ZNF518B: variants seen among roughly 807,000 people sequenced by gnomAD.
ZNF518B encodes the protein zinc finger protein 518B.
A neutral mutation model predicts 56.3 loss-of-function variants in ZNF518B; 23 were observed. The ratio of observed to expected loss-of-function variants is 0.41; its 90% CI spans 0.29 to 0.58. The LOEUF (loss-of-function observed/expected upper bound fraction) is 0.58, where lower values mean the gene tolerates loss of function less well. ZNF518B is among the 20% of genes least tolerant of loss of function. The pLI, the probability that ZNF518B is intolerant of heterozygous loss-of-function variation, is 0.32. For synonymous variants in ZNF518B, 529 were observed against 465.9 expected (o/e 1.14, Z -1.74); for missense variants, 1,460 against 1,272.1 (o/e 1.15, Z -2.25).
Position 10,443,692 on chromosome 4 carries a change from C to G in ZNF518B, c.2637G>C (p.Leu879=), listed in dbSNP as rs563574814. The G allele has an allele frequency of 1.2e-6, 2 of 1,614,008 alleles. No individual in the cohort carries two copies. Among genetic ancestry groups the G allele is most frequent in the East Asian group, 2.2e-5 (1 of 44,892 alleles). Residue 879 remains leucine (L), a synonymous_variant, in exon 3 of 3, where the codon CTG becomes CTC. Coordinates refer to ENST00000326756, the MANE Select transcript of ZNF518B (RefSeq NM_053042.3). ...GSSELNKQGR[L]LSRSLSISRN... ...TACTTATAGAAAGACTTCTGGAAAG[C>G]AGTCTCCCTTGCTTATTTAATTCAC...
In ZNF518B at chr4:10,445,190, C is replaced by T. The variant is rs2108986878; in HGVS notation, c.1139G>A (p.Gly380Asp). 3.7e-6 allele frequency: 6 copies of T among 1,614,162 alleles called. No individual in the cohort carries two copies. Among genetic ancestry groups the T allele is most frequent in the Non-Finnish European group, 5.1e-6 (6 of 1,180,038 alleles). ...NCLEAGRDNG[G>D]NSERMVKEKG... Reference sequence around the variant, plus strand: ...CTCTTTCACCATACGTTCAGAATTACCTCCATTATCCCTCCCAGCTTCAAG... The same window carrying T: ...CTCTTTCACCATACGTTCAGAATTATCTCCATTATCCCTCCCAGCTTCAAG... Residue 380 changes from glycine (G) to aspartate (D), a missense_variant, in exon 3 of 3, where the codon GGT (glycine) becomes GAT (aspartate). Transcript: ENST00000326756.
chr4:10,442,101 A>G lies in ZNF518B; in HGVS notation c.*1003T>C, dbSNP rs1460855520. On this transcript the variant is annotated 3_prime_UTR_variant, in exon 3 of 3. Coordinates refer to ENST00000326756, the MANE Select transcript of ZNF518B (RefSeq NM_053042.3). Reference sequence around the variant, plus strand: ...TCAGAAGAAATGGCAAAGGGAGTCTAGTGTCCATGAATCAAAGGGATCAAG... The same window carrying G: ...TCAGAAGAAATGGCAAAGGGAGTCTGGTGTCCATGAATCAAAGGGATCAAG... 6.6e-6 allele frequency: 1 copy of G among 152,270 alleles called. No individual in the cohort carries two copies. The highest frequency in any genetic ancestry group is 1.5e-5 in the Non-Finnish European group (1 of 68,072). 9.4% of individuals were successfully genotyped at this position (152,270 alleles called of 1,614,324 possible).
upstream of ZNF518B, among the ~76,000 whole-genome samples, chr4:10,460,562 AGGTG>A (rs1316569317): frequency 2.0e-5 from 3 of 152,090 alleles, no homozygotes; most frequent in Non-Finnish European, 4.4e-5. Context: ...AAAGGCCCTG[AGGTG>A]GGCGCTTTTG....
Position 10,445,122 on chromosome 4 carries a change from T to C in ZNF518B, c.1207A>G (p.Thr403Ala). ...TTCCCGTCAACTGTCAGTGACTTTGTTTTTTCTGCAGAAAGTACTTTTTCT... is the reference window on the plus strand; with the variant it reads ...TTCCCGTCAACTGTCAGTGACTTTGCTTTTTCTGCAGAAAGTACTTTTTCT... ...EQEKVLSAEK[T>A]KSLTVDGNVG... is the part of the protein sequence containing the mutation. The change falls in exon 3 of 3, where the codon ACA becomes GCA. Residue 403 changes from threonine to alanine, a missense_variant. Thr to Ala is a moderately conservative substitution (Grantham distance 58). Transcript: ENST00000326756. The C allele has an allele frequency of 1.2e-6, 2 of 1,614,174 alleles. No homozygotes were observed. Among genetic ancestry groups the C allele is most frequent in the Non-Finnish European group, 1.7e-6 (2 of 1,180,016 alleles).
At position 10,445,885 on chromosome 4, in the gene ZNF518B, C is replaced by A; in HGVS notation, c.444G>T (p.Leu148=). 1 of 1,614,254 alleles carries A rather than the reference C, an allele frequency of 6.2e-7. No homozygotes were observed. Among genetic ancestry groups the A allele is most frequent in the Non-Finnish European group, 8.5e-7 (1 of 1,180,046 alleles). ...DKCRFSTKDP[L]QYKKHTLQHE... ...GTTGAAGGGTGTGCTTTTTGTACTG[C>A]AGCGGGTCCTTTGTAGAGAATCGAC... Residue 148 remains leucine (L), a synonymous_variant, in exon 3 of 3, where the codon CTG becomes CTT. Transcript: ENST00000326756.
At chr4:10,454,430 C>G in intron 2 of ZNF518B, 1 of 152,228 alleles carries the variant, frequency 6.6e-6, no homozygotes, top group Non-Finnish European at 1.5e-5. Context: ...AGGAGTCTAA[C>G]AGAAGATGGA....
At chr4:10,456,726 G>C (rs1715548818) in intron 1 of ZNF518B, among the ~76,000 whole-genome samples, 1 of 152,208 alleles carries the variant, frequency 6.6e-6, no homozygotes, top group Non-Finnish European at 1.5e-5. Context: ...TCGCCGCGAG[G>C]GAAGGCCGGG....
chr4:10,443,595 T>A lies in ZNF518B; in HGVS notation c.2734A>T (p.Lys912Ter). The A allele has an allele frequency of 6.2e-7, 1 of 1,614,156 alleles. No homozygotes were observed. The highest frequency in any genetic ancestry group is 8.5e-7 in the Non-Finnish European group (1 of 1,179,994). ...GCAACCTGAAAAATTGAAGGATCCT[T>A]GAGACAGCGGCTAGGTTCAGCTTGA... Reference protein sequence around the residue: ...KIQAEPSRCLKDPSIFQVARQ... With the variant: ...KIQAEPSRCL The change falls in exon 3 of 3, where the codon AAG (lysine) becomes TAG (stop). Residue 912 changes from lysine to a stop codon, truncating the protein, a stop_gained. Coordinates refer to ENST00000326756, the MANE Select transcript of ZNF518B (RefSeq NM_053042.3). LOFTEE classifies it high-confidence loss of function.
chr4:10,443,557 T>G lies in ZNF518B; in HGVS notation c.2772A>C (p.Arg924Ser), dbSNP rs754572303. The G allele has an allele frequency of 5.6e-6, 9 of 1,614,188 alleles. No homozygotes were observed. The Admixed American group carries it at 1.3e-4, about 24-fold the overall frequency. ...PSIFQVARQL[R>S]LIAAKPDQLI... is the part of the protein sequence containing the mutation. ...ACTGATCTGGCTTAGCTGCTATCAG[T>G]CTTAGTTGCCTTGCAACCTGAAAAA... The change falls in exon 3 of 3, where the codon AGA becomes AGC. Residue 924 changes from arginine (R) to serine (S), a missense_variant. Coordinates refer to ENST00000326756, the MANE Select transcript of ZNF518B (RefSeq NM_053042.3).
At chr4:10,450,069 G>GA (rs1176006534) in intron 2 of ZNF518B, among the ~76,000 whole-genome samples, 1 of 152,212 alleles carries the variant, frequency 6.6e-6, no homozygotes, top group Non-Finnish European at 1.5e-5. Flanking sequence ...CCCAGCCAAG[G>GA]AAAGTCCCCA....
rs993347160 is a variant in ZNF518B at position 10,445,736 on chromosome 4, C to T, written c.593G>A (p.Gly198Asp). 6.2e-7 allele frequency: 1 copy of T among 1,614,134 alleles called. No homozygotes were observed. Among genetic ancestry groups the T allele is most frequent in the Non-Finnish European group, 8.5e-7 (1 of 1,180,020 alleles). The change falls in exon 3 of 3, where the codon GGT becomes GAT. Residue 198 changes from glycine (G) to aspartate (D), a missense_variant. Coordinates refer to ENST00000326756, the MANE Select transcript of ZNF518B (RefSeq NM_053042.3). Reference sequence around the variant, plus strand: ...GACAATATAATCATTTCTAATAGCACCATAGTCACAATACTCACACTGATA... The same window carrying T: ...GACAATATAATCATTTCTAATAGCATCATAGTCACAATACTCACACTGATA... ...FPYQCEYCDY[G>D]AIRNDYIVKH...
In ZNF518B at chr4:10,442,152, G is replaced by A. The variant is rs992503776; in HGVS notation, c.*952C>T. The stretch of plus-strand genomic sequence containing the variant: ...AAGAGAGAAGACAGCATCCACCCAT[G>A]GTCTTTGGATGAATCCCAAATGAAA... On this transcript the variant is annotated 3_prime_UTR_variant, in exon 3 of 3. Coordinates refer to ENST00000326756, the MANE Select transcript of ZNF518B (RefSeq NM_053042.3). 3 of 152,156 alleles carry A rather than the reference G, an allele frequency of 2.0e-5. No individual in the cohort carries two copies. The highest frequency in any genetic ancestry group is 6.5e-5 in the Admixed American group (1 of 15,280). The allele number at this position is 152,156 out of a possible 1,614,324, so 9.4% of individuals were successfully genotyped here.
At chr4:10,451,027 G>C (rs781309392) in intron 2 of ZNF518B, 1 of 152,190 alleles carries the variant, frequency 6.6e-6, no homozygotes, top group Non-Finnish European at 1.5e-5. Flanking sequence ...AAAGGCAAGA[G>C]GCACGGTGTG....
rs531636392 is a variant in ZNF518B at position 10,453,516 on chromosome 4, A to G, written c.-212+1289T>C. 5 of 152,282 alleles carry G rather than the reference A, an allele frequency of 3.3e-5. No homozygotes were observed. The East Asian group carries it at 9.7e-4, about 29-fold the overall frequency. 9.4% of individuals were successfully genotyped at this position (152,282 alleles called of 1,614,324 possible). A position where few individuals can be genotyped will look rare whatever the true frequency, so the allele number is the denominator to read the frequency against. On this transcript the variant is annotated intron_variant, in intron 2 of 2. Transcript: ENST00000326756. The stretch of plus-strand genomic sequence containing the variant: ...TTTCTTAACATTTTAAGAAAAAAAT[A>G]TTTGTAAAAAAGAATTTAGAGTGCT...
chr4:10,447,523 A>G (rs576629464), intron 2 of ZNF518B, among the ~76,000 whole-genome samples: 4 of 152,110 alleles, frequency 2.6e-5, no homozygotes, highest in Admixed American at 1.3e-4. Context: ...ATAACCCAGT[A>G]TTGTACGGAC....
chr4:10,457,347 G>A lies in ZNF518B; in HGVS notation c.-426C>T, dbSNP rs920557983. 2 of 151,858 alleles carry A rather than the reference G, an allele frequency of 1.3e-5. No individual in the cohort carries two copies. The highest frequency in any genetic ancestry group is 2.9e-5 in the Non-Finnish European group (2 of 67,948). The allele number at this position is 151,858 out of a possible 1,614,324, so 9.4% of individuals were successfully genotyped here. A position where few individuals can be genotyped will look rare whatever the true frequency, so the allele number is the denominator to read the frequency against. The stretch of plus-strand genomic sequence containing the variant: ...AGGCCGGATTCGGGTGCCAGGTCCC[G>A]GCGAAGGGGCGTCTACACCGCCGGC... On this transcript the variant is annotated 5_prime_UTR_variant, in exon 1 of 3. Coordinates refer to ENST00000326756, the MANE Select transcript of ZNF518B (RefSeq NM_053042.3).
chr4:10,442,950 G>A lies in ZNF518B; in HGVS notation c.*154C>T, dbSNP rs922225230. On this transcript the variant is annotated 3_prime_UTR_variant, in exon 3 of 3. Transcript: ENST00000326756. ...TTCTGGGGTCCAATCACATACTTCAGGTTCAGACTCCTAGCTCCCAATATT... is the reference window on the plus strand; with the variant it reads ...TTCTGGGGTCCAATCACATACTTCAAGTTCAGACTCCTAGCTCCCAATATT... 8.7e-5 allele frequency: 59 copies of A among 674,568 alleles called. No homozygotes were observed. The highest frequency in any genetic ancestry group is 1.4e-4 in the Non-Finnish European group (56 of 414,778). 41.8% of individuals were successfully genotyped at this position (674,568 alleles called of 1,614,324 possible). A position where few individuals can be genotyped will look rare whatever the true frequency, so the allele number is the denominator to read the frequency against.
Position 10,443,723 on chromosome 4 carries a change from C to T in ZNF518B, c.2606G>A (p.Gly869Glu). ...RKTGLLYGQQ[G>E]SSELNKQGRL... ...CCCTTGCTTATTTAATTCACTGCTT[C>T]CTTGCTGTCCATACAAGAGGCCAGT... The change falls in exon 3 of 3, where the codon GGA (glycine) becomes GAA (glutamate). Residue 869 changes from glycine to glutamate, a missense_variant. Physicochemically the swap from Gly to Glu is moderately conservative, Grantham distance 98. Transcript: ENST00000326756. 6.2e-7 allele frequency: 1 copy of T among 1,614,166 alleles called. No individual in the cohort carries two copies. Among genetic ancestry groups the T allele is most frequent in the Non-Finnish European group, 8.5e-7 (1 of 1,180,030 alleles).
rs1714695396 is a variant in ZNF518B at position 10,441,827 on chromosome 4, C to T, written c.*1277G>A. Reference sequence around the variant, plus strand: ...AGTGGAAGGAGTGTTCCTGGAGTTGCTTCCCTGAGAAAGCTGAGCAGCAGG... The same window carrying T: ...AGTGGAAGGAGTGTTCCTGGAGTTGTTTCCCTGAGAAAGCTGAGCAGCAGG... On this transcript the variant is annotated 3_prime_UTR_variant, in exon 3 of 3. Transcript: ENST00000326756. 6.6e-6 allele frequency: 1 copy of T among 152,220 alleles called. No homozygotes were observed. The highest frequency in any genetic ancestry group is 2.1e-4 in the South Asian group (1 of 4,826). The allele number at this position is 152,220 out of a possible 1,614,324, so 9.4% of individuals were successfully genotyped here.
Sources: allele counts gnomAD v4.1 joint callset (sites outside exome capture counted in the v4.1 genomes callset), GRCh38; gene constraint gnomAD v4.1.1; transcripts MANE v1.5; gene names NCBI Gene and HGNC (gene_info 2026-07-23, HGNC 2026-07-21).